The following STRA6 variants were observed in gnomAD, a reference collection of about 807,000 sequenced individuals.
The protein encoded by STRA6 is signaling receptor and transporter of retinol STRA6, also known as receptor for retinol uptake STRA6.
Under a neutral mutation model 83.6 loss-of-function variants are expected in STRA6, and 48 were observed. That is an observed-to-expected ratio of 0.57 (90% CI 0.46 to 0.73). STRA6 has a LOEUF of 0.73. Among genes scored for constraint, STRA6 ranks in the 30% least tolerant of loss-of-function variants. The pLI is 0.00. For synonymous variants in STRA6, 353 were observed against 362.3 expected (o/e 0.97, Z 0.29); for missense variants, 760 against 838.8 (o/e 0.91, Z 1.16).
Position 74,180,065 on chromosome 15 carries a change from T to G in STRA6, c.*15A>C. The G allele has an allele frequency of 6.2e-7, 1 of 1,610,090 alleles. No individual in the cohort carries two copies. Among genetic ancestry groups the G allele is most frequent in the Middle Eastern group, 1.7e-4 (1 of 5,998 alleles). On this transcript the variant is annotated 3_prime_UTR_variant, in exon 19 of 19. Transcript: ENST00000395105. ...CCTCAGCACAGATGGGCAGGTGGGT[T>G]GACCTTCCCTGCCCTCAGGGCTGGG...
upstream of STRA6, among the ~76,000 whole-genome samples, chr15:74,206,058 G>T (rs1017098691): frequency 6.6e-6 from 1 of 152,210 alleles, no homozygotes; most frequent in Non-Finnish European, 1.5e-5. Flanking sequence ...CTCTCTGTGG[G>T]TCTCACTGTC....
At chr15:74,207,156 G>C (rs920957534), upstream of STRA6, among the ~76,000 whole-genome samples, 1 of 152,188 alleles carries the variant, frequency 6.6e-6, no homozygotes, top group Non-Finnish European at 1.5e-5. Flanking sequence ...AGGCCCACGT[G>C]CATTTCTGCG....
Position 74,180,002 on chromosome 15 carries a change from A to T in STRA6, c.*78T>A. ...GCATGGCTGGTGTGATGCTGGGAGGAGAGCCGGGGAGGGAGGAGGATGGTA... is the reference window on the plus strand; with the variant it reads ...GCATGGCTGGTGTGATGCTGGGAGGTGAGCCGGGGAGGGAGGAGGATGGTA... On this transcript the variant is annotated 3_prime_UTR_variant, in exon 19 of 19. Transcript: ENST00000395105. The T allele has an allele frequency of 1.9e-6, 3 of 1,562,868 alleles. No homozygotes were observed. In the Admixed American group the frequency reaches 5.1e-5, roughly 27 times the overall value.
rs200937669 is a variant in STRA6 at position 74,197,791 on chromosome 15, T to C, written c.141A>G (p.Ile47Met). The C allele has an allele frequency of 5.4e-5, 87 of 1,613,408 alleles. No individual in the cohort carries two copies. The highest frequency in any genetic ancestry group is 1.6e-4 in the Middle Eastern group (1 of 6,076). Residue 47 changes from isoleucine (I) to methionine (M), a missense_variant, in exon 3 of 19, where the codon ATA (isoleucine) becomes ATG (methionine). Transcript: ENST00000395105. ...EGEVPSCHTS[I>M]PPGLYHACLA... ...GGCAGGCGTGGTACAGGCCGGGTGG[T>C]ATGCTGGTGTGGCAGGAGGGCACTT...
Position 74,202,694 on chromosome 15 carries a change from G to T in STRA6, c.-16+19C>A, listed in dbSNP as rs2074135547. On this transcript the variant is annotated intron_variant, in intron 1 of 18. Transcript: ENST00000395105. ...CCTTCCCCTTTCCCAAGCCCACCTA[G>T]ACAGACCCACAGACACACCAGAAGG... 1.5e-6 allele frequency: 2 copies of T among 1,361,580 alleles called. No individual in the cohort carries two copies. Among genetic ancestry groups the T allele is most frequent in the South Asian group, 4.0e-5 (2 of 49,690 alleles). The allele number at this position is 1,361,580 out of a possible 1,614,324, so 84.3% of individuals were successfully genotyped here. A position where few individuals can be genotyped will look rare whatever the true frequency, so the allele number is the denominator to read the frequency against.
At chr15:74,181,003 C>G in intron 17 of STRA6, 66 bp from the exon 18 acceptor site, 2 of 1,597,472 alleles carry the variant, frequency 1.3e-6, no homozygotes, top group Non-Finnish European at 1.7e-6. Context: ...TCCAGACATC[C>G]CCTAACACAC....
At chr15:74,209,877 G>T (rs1280903359), upstream of STRA6, among the ~76,000 whole-genome samples, 1 of 152,214 alleles carries the variant, frequency 6.6e-6, no homozygotes, top group Non-Finnish European at 1.5e-5. Flanking sequence ...TAAATTCTCA[G>T]GAGAAGGGCC....
chr15:74,185,542 T>G (rs2073204415), intron 12 of STRA6, among the ~76,000 whole-genome samples: 2 of 152,208 alleles, frequency 1.3e-5, no homozygotes, highest in Admixed American at 1.3e-4. Context: ...ATAGAGGGTG[T>G]GAGTCCACAT....
At chr15:74,208,150 C>G (rs980347778) in intron 1 of STRA6, 1 of 824,184 alleles carries the variant, frequency 1.2e-6, no homozygotes, top group African/African-American at 1.8e-5. Context: ...TGTTCTTTCC[C>G]TCCCAGAGGG....
chr15:74,196,169 G>A, intron 4 of STRA6, 22 bp from the exon 5 acceptor site: 2 of 1,612,762 alleles, frequency 1.2e-6, no homozygotes, highest in South Asian at 1.1e-5. Flanking sequence ...GCAAGGACAG[G>A]GCAGGAGGGA....
chr15:74,189,050 T>G, intron 12 of STRA6, 65 bp downstream of exon 12: 1 of 1,595,158 alleles, frequency 6.3e-7, no homozygotes, highest in Non-Finnish European at 8.6e-7. Context: ...GACTAGGGCA[T>G]AGACCTTGGG....
In STRA6 at chr15:74,195,693, T is replaced by C. The variant is rs764639221; in HGVS notation, c.407-18A>G. On this transcript the variant is annotated intron_variant, in intron 5 of 18. Coordinates refer to ENST00000395105, the MANE Select transcript of STRA6 (RefSeq NM_022369.4). The stretch of plus-strand genomic sequence containing the variant: ...TTTCCCATCTGTAAAATGAAAATAA[T>C]CACAGTATATTAGCAAGGGCAAAAT... 5 of 1,276,030 alleles carry C rather than the reference T, an allele frequency of 3.9e-6. No homozygotes were observed. In the African/African-American group the frequency reaches 4.4e-5, roughly 11 times the overall value. The allele number at this position is 1,276,030 out of a possible 1,614,324, so 79.0% of individuals were successfully genotyped here. A position where few individuals can be genotyped will look rare whatever the true frequency, so the allele number is the denominator to read the frequency against.
Position 74,191,259 on chromosome 15 carries a change from G to A in STRA6, c.789-16C>T, listed in dbSNP as rs1312166009. On this transcript the variant is annotated splice_polypyrimidine_tract_variant and intron_variant, in intron 9 of 18. Coordinates refer to ENST00000395105, the MANE Select transcript of STRA6 (RefSeq NM_022369.4). ...GGTGTGGTAGCTGCAGAAAGACCCA[G>A]GCAGGTGCGGGGTCCTCAGGGGAAG... The A allele has an allele frequency of 6.2e-7, 1 of 1,613,008 alleles. No individual in the cohort carries two copies.
chr15:74,190,556 G>T lies in STRA6; in HGVS notation c.927+284C>A, dbSNP rs77909337. 0.017 allele frequency among the ~76,000 whole-genome samples: 2,560 copies of T among 152,238 alleles called. 24 individuals are homozygous for T. The highest frequency in any genetic ancestry group is 0.041 in the South Asian group (198 of 4,824). On this transcript the variant is annotated intron_variant, in intron 11 of 18. Coordinates refer to ENST00000395105, the MANE Select transcript of STRA6 (RefSeq NM_022369.4). The stretch of plus-strand genomic sequence containing the variant: ...CAGATGAGCTAACAGGTTCAGAGAG[G>T]TTATATAACTTGCCCAAGGCCACAC...
At chr15:74,208,490 C>T (rs1205057735) in intron 1 of STRA6, among the ~76,000 whole-genome samples, 1 of 152,174 alleles carries the variant, frequency 6.6e-6, no homozygotes, top group Non-Finnish European at 1.5e-5. Context: ...CTCCTTGTTC[C>T]CTTGCTGACC....
At chr15:74,193,748 T>C (rs2073666863) in intron 8 of STRA6, 52 bp downstream of exon 8, 8 of 1,607,866 alleles carry the variant, frequency 5.0e-6, no homozygotes, top group Non-Finnish European at 6.0e-6. Flanking sequence ...TACGGGGGAG[T>C]AGGGCTGTCT....
At chr15:74,182,544 T>C in intron 14 of STRA6, 84 bp from the exon 15 acceptor site, 3 of 1,163,886 alleles carry the variant, frequency 2.6e-6, no homozygotes, top group Non-Finnish European at 2.5e-6. Context: ...ACCAAGGGCT[T>C]TGGGATTGGG....
At chr15:74,205,891 C>T (rs996198716), upstream of STRA6, among the ~76,000 whole-genome samples, 6 of 152,218 alleles carry the variant, frequency 3.9e-5, no homozygotes, top group African/African-American at 7.2e-5. Flanking sequence ...GCAAGCAGAG[C>T]GCAGCCTTGT....
In STRA6 at chr15:74,181,317, C is replaced by T. The variant is rs776915144; in HGVS notation, c.1662G>A (p.Pro554=). ...LGQMDLSLLP[P]RAATLDPGYY... ...TACCGGGGTCGAGAGTGGCGGCTCT[C>T]GGTGGCAGCAGGCTGAGGTCCATCT... The change falls in exon 17 of 19, where the codon CCG becomes CCA. Residue 554 remains proline (P), a synonymous_variant. Transcript: ENST00000395105. The T allele has an allele frequency of 1.9e-6, 3 of 1,611,700 alleles. No homozygotes were observed. The highest frequency in any genetic ancestry group is 1.3e-5 in the African/African-American group (1 of 74,834).
Sources: gnomAD v4.1 joint callset for allele counts (sites outside exome capture counted in the v4.1 genomes callset) on GRCh38, gnomAD v4.1.1 for gene constraint, MANE v1.5 for transcripts, NCBI Gene and HGNC (gene_info 2026-07-23, HGNC 2026-07-21) for gene names.